The following PSD3 variants were observed in gnomAD, a reference collection of about 807,000 sequenced individuals.
PSD3 encodes the protein PH and SEC7 domain-containing protein 3.
PSD3 carries 49 observed loss-of-function variants against 105.5 expected under a neutral mutation model. The ratio of observed to expected loss-of-function variants is 0.46; its 90% confidence interval spans 0.37 to 0.59. The LOEUF is 0.59. PSD3 is among the 20% of genes least tolerant of loss of function. PSD3 has a pLI of 0.00. For missense variants in PSD3, 1,561 were observed against 1,263.8 expected (o/e 1.24, Z -3.57); for synonymous variants, 557 against 457.8 (o/e 1.22, Z -2.77).
chr8:18,687,224 G>A (rs942890975), intron 9 of PSD3, among the ~76,000 whole-genome samples: 1 of 152,134 alleles, frequency 6.6e-6, no homozygotes, highest in Admixed American at 6.5e-5. Flanking sequence ...AGCACTTTGG[G>A]AGGCCAAGGC....
At position 18,883,728 on chromosome 8, in the gene PSD3, A is replaced by G. The variant is rs377695401; in HGVS notation, c.131-10995T>C. The stretch of plus-strand genomic sequence containing the variant: ...TGGATGCGTTGCTTTTAAAATAGAA[A>G]TGTACGGGGAAATTCAGTCTGATAA... On this transcript the variant is annotated intron_variant, in intron 2 of 15. Coordinates refer to ENST00000327040, the MANE Select transcript of PSD3 (RefSeq NM_015310.4). 5.4e-4 allele frequency among the ~76,000 whole-genome samples: 83 copies of G among 152,298 alleles called. 2 individuals are homozygous for G. In the South Asian group the frequency reaches 0.017, roughly 31 times the overall value.
rs138014646 is a variant in PSD3 at position 18,801,801 on chromosome 8, C to T, written c.1911-419G>A. ...TGAGGTCGCGCCACTACACTCCAGC[C>T]TAGGCGACAGAGTGAGACTCCGTTT... On this transcript the variant is annotated intron_variant, in intron 6 of 15. Coordinates refer to ENST00000327040, the MANE Select transcript of PSD3 (RefSeq NM_015310.4). Among the ~76,000 whole-genome samples the T allele has an allele frequency of 2.4e-3, 364 of 151,994 alleles. 2 individuals carry two copies. Among genetic ancestry groups the T allele is most frequent in the African/African-American group, 8.6e-3 (358 of 41,442 alleles).
intron 1 of PSD3, among the ~76,000 whole-genome samples, chr8:18,973,535 G>C (rs1038518832): frequency 5.3e-5 from 8 of 152,056 alleles, no homozygotes; most frequent in South Asian, 2.1e-4. Flanking sequence ...CTGGATTAGG[G>C]GCCCATCCTT....
intron 2 of PSD3, among the ~76,000 whole-genome samples, chr8:18,915,141 T>C (rs1171976596): frequency 6.6e-6 from 1 of 152,160 alleles, no homozygotes; most frequent in Non-Finnish European, 1.5e-5. Context: ...AATATCCACA[T>C]GCAGAAGAAT....
At chr8:18,697,343 C>A (rs1464928872) in intron 9 of PSD3, among the ~76,000 whole-genome samples, 1 of 152,120 alleles carries the variant, frequency 6.6e-6, no homozygotes, top group African/African-American at 2.4e-5. Flanking sequence ...CTTTTACCAT[C>A]CACTCCTGAC....
chr8:18,917,435 G>T (rs1179025482), intron 2 of PSD3, among the ~76,000 whole-genome samples: 1 of 152,096 alleles, frequency 6.6e-6, no homozygotes, highest in Non-Finnish European at 1.5e-5. Context: ...GAAGTCTTCC[G>T]TGGCAATTTC....
chr8:18,933,624 T>C (rs1821891062), intron 2 of PSD3, among the ~76,000 whole-genome samples: 1 of 152,050 alleles, frequency 6.6e-6, no homozygotes, highest in African/African-American at 2.4e-5. Flanking sequence ...CATGTCACCA[T>C]GGCCAGCTAA....
chr8:18,954,285 G>A (rs1277623254), intron 1 of PSD3, among the ~76,000 whole-genome samples: 1 of 152,072 alleles, frequency 6.6e-6, no homozygotes, highest in African/African-American at 2.4e-5. Context: ...GATTTGGGGA[G>A]GGGTTCAATG....
At chr8:19,043,545 T>C (rs1828204019) in intron 1 of PSD3, among the ~76,000 whole-genome samples, 1 of 152,176 alleles carries the variant, frequency 6.6e-6, no homozygotes, top group Non-Finnish European at 1.5e-5. Flanking sequence ...TTGTATGAAA[T>C]CTTGAATAGG....
intron 1 of PSD3, among the ~76,000 whole-genome samples, chr8:18,970,682 C>A (rs1405707604): frequency 6.6e-6 from 1 of 152,112 alleles, no homozygotes; most frequent in Middle Eastern, 3.4e-3. Context: ...GGTCTGGATG[C>A]GGTGGTTCGT....
At chr8:18,824,529 G>T (rs972254796) in intron 4 of PSD3, among the ~76,000 whole-genome samples, 1 of 152,166 alleles carries the variant, frequency 6.6e-6, no homozygotes, top group East Asian at 1.9e-4. Context: ...TTAGGTATTA[G>T]TCTTAAGATA....
chr8:18,635,304 A>G (rs751641069), intron 10 of PSD3, among the ~76,000 whole-genome samples: 1 of 152,166 alleles, frequency 6.6e-6, no homozygotes, highest in Non-Finnish European at 1.5e-5. Context: ...AACAGTATTT[A>G]GAAATCAAAT....
chr8:19,075,135 AC>A (rs1383714998), intron 1 of PSD3, among the ~76,000 whole-genome samples: 1 of 151,678 alleles, frequency 6.6e-6, no homozygotes, highest in African/African-American at 2.4e-5. Context: ...TTCAGTAGAG[AC>A]AGGATTTCAC....
At chr8:18,884,844 G>A (rs1818354256) in intron 2 of PSD3, among the ~76,000 whole-genome samples, 1 of 152,152 alleles carries the variant, frequency 6.6e-6, no homozygotes, top group African/African-American at 2.4e-5. Context: ...TTACCATTCA[G>A]TCAATTTCAG....
chr8:18,913,913 C>A (rs1380043629), intron 2 of PSD3, among the ~76,000 whole-genome samples: 1 of 152,196 alleles, frequency 6.6e-6, no homozygotes, highest in African/African-American at 2.4e-5. Flanking sequence ...CATCTCAGCA[C>A]CAGGCTGGCC....
At chr8:18,618,318 T>G (rs917253370) in intron 11 of PSD3, among the ~76,000 whole-genome samples, 1 of 151,406 alleles carries the variant, frequency 6.6e-6, no homozygotes, top group Admixed American at 6.6e-5. Context: ...CTCCCAAAAA[T>G]GTATACAGAC....
intron 1 of PSD3, among the ~76,000 whole-genome samples, chr8:19,012,274 A>T (rs1826985050): frequency 6.6e-6 from 1 of 152,184 alleles, no homozygotes; most frequent in Non-Finnish European, 1.5e-5. Flanking sequence ...GCCACTAAAA[A>T]CTGGTTGAAA....
chr8:18,561,765 A>C (rs574847015), intron 14 of PSD3, among the ~76,000 whole-genome samples: 1 of 152,266 alleles, frequency 6.6e-6, no homozygotes, highest in African/African-American at 2.4e-5. Context: ...ATTTCCTTTA[A>C]AATATTAAGC....
intron 2 of PSD3, among the ~76,000 whole-genome samples, chr8:18,887,688 C>A (rs1818528851): frequency 3.9e-5 from 6 of 152,090 alleles, no homozygotes; most frequent in Admixed American, 3.9e-4. Context: ...ATATTTCCAA[C>A]CAGTATGAGG....
Sources: gnomAD v4.1 joint callset for allele counts (sites outside exome capture counted in the v4.1 genomes callset) on GRCh38, gnomAD v4.1.1 for gene constraint, MANE v1.5 for transcripts, NCBI Gene and HGNC (gene_info 2026-07-23, HGNC 2026-07-21) for gene names.